KMT2A: variants seen among roughly 807,000 people sequenced by gnomAD.
KMT2A encodes the protein lysine methyltransferase 2A.
A neutral mutation model predicts 345.3 loss-of-function variants in KMT2A; 16 were observed. The ratio of observed to expected loss-of-function variants is 0.05; its 90% CI spans 0.03 to 0.07. The LOEUF (loss-of-function observed/expected upper bound fraction) is 0.07, where lower values mean the gene tolerates loss of function less well. Among genes scored for constraint, KMT2A ranks in the 10% least tolerant of loss-of-function variants. The probability of loss-of-function intolerance (pLI) is 1.00; values close to 1 mark genes in which losing one functional copy is unlikely to be tolerated. For missense variants in KMT2A, 3,272 were observed against 4,841.6 expected, an observed-to-expected ratio of 0.68 and a Z score of 9.62; for synonymous variants, 1,599 against 1,778.6, an observed-to-expected ratio of 0.90 and a Z score of 2.54.
At chr11:118,442,507 T>C (rs1846878768) in intron 1 of KMT2A, among the ~76,000 whole-genome samples, 1 of 152,230 alleles carries the variant, frequency 6.6e-6, no homozygotes, top group African/African-American at 2.4e-5. Flanking sequence ...AATATTGTCG[T>C]GGAGTAAATC....
intron 1 of KMT2A, among the ~76,000 whole-genome samples, chr11:118,459,084 C>T (rs1005964529): frequency 6.6e-6 from 1 of 151,806 alleles, no homozygotes; most frequent in Non-Finnish European, 1.5e-5. Flanking sequence ...TTTTTTCCCC[C>T]CTTTGAGACA....
At chr11:118,451,228 T>TC (rs1333971328) in intron 1 of KMT2A, among the ~76,000 whole-genome samples, 2 of 150,308 alleles carry the variant, frequency 1.3e-5, no homozygotes, top group Non-Finnish European at 1.5e-5. Flanking sequence ...TTTTTTTTTT[T>TC]AGAGACAGGT....
At position 118,436,779 on chromosome 11, in the gene KMT2A, CTCGTCTTCGTCT is replaced by C. The variant is rs781793601; in HGVS notation, c.273_284del (p.Ser95_Ser98del). ...CCTCAGCAGCCTCCTCGTCGTCCGC[CTCGTCTTCGTCT>C]TCGTCATCGTCCTCAGCCTCTTCAG... On this transcript the variant is annotated inframe_deletion, in exon 1 of 36. Transcript: ENST00000534358. The surrounding 1 kb of genome is among the most constrained non-coding windows in gnomAD (Gnocchi z 6.9). 6.2e-7 allele frequency: 1 copy of C among 1,605,322 alleles called. No individual in the cohort carries two copies. Among genetic ancestry groups the C allele is most frequent in the Non-Finnish European group, 8.5e-7 (1 of 1,176,300 alleles).
chr11:118,482,688 T>C (rs1340077762), intron 8 of KMT2A, among the ~76,000 whole-genome samples, 193 bp downstream of exon 8: 1 of 150,492 alleles, frequency 6.6e-6, no homozygotes, highest in East Asian at 1.9e-4. Flanking sequence ...GGTGGGAGGA[T>C]TGCTTGAGGC....
chr11:118,512,162 C>A (rs1950701701), intron 31 of KMT2A, 137 bp downstream of exon 31: 1 of 671,450 alleles, frequency 1.5e-6, no homozygotes. Context: ...AATTCATATA[C>A]CATACAGTTC....
intron 1 of KMT2A, among the ~76,000 whole-genome samples, chr11:118,445,163 A>G (rs1268019803): frequency 6.6e-6 from 1 of 152,158 alleles, no homozygotes; most frequent in African/African-American, 2.4e-5. Context: ...AATGTTCTTG[A>G]TATTAGTCTG....
chr11:118,499,745 A>G (rs1263474763), intron 23 of KMT2A, 90 bp from the exon 24 acceptor site: 22 of 997,386 alleles, frequency 2.2e-5, no homozygotes, highest in Non-Finnish European at 3.2e-5. Context: ...GCGCCACTGC[A>G]TTCCAGCCTG....
chr11:118,452,523 C>A (rs1949559706), intron 1 of KMT2A, among the ~76,000 whole-genome samples: 1 of 152,218 alleles, frequency 6.6e-6, no homozygotes, highest in Admixed American at 6.5e-5. Context: ...CAGAATAAGA[C>A]CCTGTCTCAA....
chr11:118,512,295 A>C, intron 31 of KMT2A: 2 of 474,910 alleles, frequency 4.2e-6, no homozygotes. Context: ...ATTAGCAGTC[A>C]TTCCTCAGCC....
Position 118,521,894 on chromosome 11 carries a change from C to G in KMT2A, c.11644-3C>G. On this transcript the variant is annotated splice_region_variant and splice_polypyrimidine_tract_variant and intron_variant, in intron 35 of 35. Transcript: ENST00000534358. The surrounding 1 kb of genome is among the most constrained non-coding windows in gnomAD (Gnocchi z 5.3). The stretch of plus-strand genomic sequence containing the variant: ...GTTCTTCTCCCTTCTTCTGCATGTG[C>G]AGGGCATTGGTTGCTATATGTTCCG... The G allele has an allele frequency of 6.2e-7, 1 of 1,609,732 alleles. No homozygotes were observed. Among genetic ancestry groups the G allele is most frequent in the Non-Finnish European group, 8.5e-7 (1 of 1,176,236 alleles).
At chr11:118,451,296 C>T (rs782563918) in intron 1 of KMT2A, among the ~76,000 whole-genome samples, 1 of 151,186 alleles carries the variant, frequency 6.6e-6, no homozygotes, top group Non-Finnish European at 1.5e-5. Flanking sequence ...ACTGCAGCCT[C>T]AAACTCCTGG....
At position 118,506,445 on chromosome 11, in the gene KMT2A, C is replaced by T. The variant is rs1950584997; in HGVS notation, c.10553C>T (p.Ser3518Phe). The T allele has an allele frequency of 6.2e-7, 1 of 1,614,220 alleles. No homozygotes were observed. Among genetic ancestry groups the T allele is most frequent in the Non-Finnish European group, 8.5e-7 (1 of 1,180,040 alleles). ...VQASPTSPGG[S>F]PSSPSSGQRS... ...GCCAGCCCCACCTCTCCTGGGGGTT[C>T]TCCATCCTCTCCATCTTCTGGACAG... The change falls in exon 27 of 36, where the codon TCT becomes TTT. Residue 3518 changes from serine (S) to phenylalanine (F), a missense_variant. Transcript: ENST00000534358.
Position 118,525,740 on chromosome 11 carries a change from T to C in KMT2A, c.*3568T>C, listed in dbSNP as rs1951068795. On this transcript the variant is annotated 3_prime_UTR_variant, in exon 36 of 36. Transcript: ENST00000534358. ...TACTAAAGGTCAAAACCTTGTCAGA[T>C]GTTAACTTCTAAGTTCGGTTTGGGA... The C allele has an allele frequency of 4.4e-6, 1 of 229,736 alleles. No homozygotes were observed. 14.2% of individuals were successfully genotyped at this position (229,736 alleles called of 1,614,324 possible).
At position 118,518,859 on chromosome 11, in the gene KMT2A, C is replaced by T. The variant is rs532841731; in HGVS notation, c.11147-759C>T. On this transcript the variant is annotated intron_variant, in intron 31 of 35. Coordinates refer to ENST00000534358, the MANE Select transcript of KMT2A (RefSeq NM_001197104.2). ...TTGGAAGGCCAAGGCGGGTGGATCA[C>T]GAGGTCAGGAGATCGAGACCATCCT... is the stretch of plus-strand genomic sequence containing the variant. Among the ~76,000 whole-genome samples, 6 of 148,740 alleles carry T rather than the reference C, an allele frequency of 4.0e-5. No homozygotes were observed. The South Asian group carries it at 8.5e-4, about 21-fold the overall frequency.
intron 3 of KMT2A, among the ~76,000 whole-genome samples, chr11:118,474,958 C>T (rs1365739384): frequency 6.6e-6 from 1 of 150,424 alleles, no homozygotes; most frequent in Non-Finnish European, 1.5e-5. Context: ...GGTGAAACCT[C>T]ATCTCTACTA....
rs537736391 is a variant in KMT2A at position 118,494,085 on chromosome 11, C to A, written c.5179-203C>A. Among the ~76,000 whole-genome samples the A allele has an allele frequency of 1.3e-5, 2 of 152,256 alleles. No homozygotes were observed. Among genetic ancestry groups the A allele is most frequent in the South Asian group, 4.1e-4 (2 of 4,824 alleles). Reference sequence around the variant, plus strand: ...ACAGCCAATTTGTTTGCATTCTTACCTCATTAGCCTGGCATCTCTTAATTG... The same window carrying A: ...ACAGCCAATTTGTTTGCATTCTTACATCATTAGCCTGGCATCTCTTAATTG... On this transcript the variant is annotated intron_variant, in intron 16 of 35. Transcript: ENST00000534358. This position sits in a 1 kb window ranked among gnomAD's most constrained non-coding sequence, Gnocchi z 5.8.
chr11:118,522,915 A>T lies in KMT2A; in HGVS notation c.*743A>T, dbSNP rs1555054100. On this transcript the variant is annotated 3_prime_UTR_variant, in exon 36 of 36. Transcript: ENST00000534358. This position sits in a 1 kb window ranked among gnomAD's most constrained non-coding sequence, Gnocchi z 5.4. Reference sequence around the variant, plus strand: ...CCTTTTCTTCCTTTCCCCTGTCTTCATGCCACTGCTTTCCCATGCTTCTTT... The same window carrying T: ...CCTTTTCTTCCTTTCCCCTGTCTTCTTGCCACTGCTTTCCCATGCTTCTTT... The T allele has an allele frequency of 1.3e-5, 3 of 226,664 alleles. No homozygotes were observed. Among genetic ancestry groups the T allele is most frequent in the Non-Finnish European group, 1.8e-5 (2 of 113,872 alleles). The allele number at this position is 226,664 out of a possible 1,614,324, so 14.0% of individuals were successfully genotyped here.
In KMT2A at chr11:118,491,691, CCT is replaced by C. The variant is rs1950326684; in HGVS notation, c.4820-45_4820-44del. ...TTCAGTGGAATAGTTTCCTCTTCTT[CCT>C]CTCTCTCATTCTTCAGAGGACCTCA... On this transcript the variant is annotated intron_variant, in intron 14 of 35. Transcript: ENST00000534358. This position sits in a 1 kb window ranked among gnomAD's most constrained non-coding sequence, Gnocchi z 4.2. 1.5e-6 allele frequency: 2 copies of C among 1,371,716 alleles called. No individual in the cohort carries two copies. Among genetic ancestry groups the C allele is most frequent in the East Asian group, 4.6e-5 (2 of 43,086 alleles). The allele number at this position is 1,371,716 out of a possible 1,614,324, so 85.0% of individuals were successfully genotyped here.
At chr11:118,470,318 T>G (rs1299623694) in intron 2 of KMT2A, among the ~76,000 whole-genome samples, 2 of 152,338 alleles carry the variant, frequency 1.3e-5, no homozygotes, top group East Asian at 3.9e-4. Flanking sequence ...TTTGTTTTTG[T>G]TTTTGAGACG....
Sources: gnomAD v4.1 joint callset for allele counts (sites outside exome capture counted in the v4.1 genomes callset) on GRCh38, gnomAD v4.1.1 for gene constraint, Gnocchi (gnomAD v3.1) non-coding constraint, MANE v1.5 for transcripts, NCBI Gene and HGNC (gene_info 2026-07-23, HGNC 2026-07-21) for gene names.